MAD2L1BP: variants seen among roughly 807,000 people sequenced by gnomAD.
MAD2L1BP encodes MAD2L1-binding protein.
MAD2L1BP carries 22 observed loss-of-function variants against 28.4 expected under a neutral mutation model. That is an observed-to-expected ratio of 0.77 (90% confidence interval 0.55 to 1.10). The LOEUF is 1.10. Ranked by LOEUF, MAD2L1BP falls within the 50% of genes least tolerant of loss-of-function variation. The probability of loss-of-function intolerance (pLI) is 0.00; values close to 1 mark genes in which losing one functional copy is unlikely to be tolerated. For missense variants in MAD2L1BP, 325 were observed against 350.5 expected, an observed-to-expected ratio of 0.93 and a Z score of 0.58; for synonymous variants, 146 against 133.7, an observed-to-expected ratio of 1.09 and a Z score of -0.63.
At position 43,640,450 on chromosome 6, in the gene MAD2L1BP, G is replaced by A. The variant is rs547665702; in HGVS notation, c.742G>A (p.Gly248Ser). Residue 248 changes from glycine to serine, a missense_variant, in exon 3 of 3, where the codon GGC becomes AGC. Gly to Ser is a moderately conservative substitution (Grantham distance 56). Coordinates refer to ENST00000372171, the MANE Select transcript of MAD2L1BP (RefSeq NM_014628.3). The part of the protein sequence containing the change: ...GHKLTVTLSC[G>S]RPSIRTTAWE... ...TAAACTGACTGTGACCCTGTCATGT[G>A]GCAGACCTTCCATCCGAACCACGGC... 1 of 1,613,724 alleles carries A rather than the reference G, an allele frequency of 6.2e-7. No homozygotes were observed. Among genetic ancestry groups the A allele is most frequent in the Non-Finnish European group, 8.5e-7 (1 of 1,179,968 alleles).
rs1233013369 is a variant in MAD2L1BP, at chr6:43,636,601, G to C, written c.267G>C (p.Leu89=). 1 of 1,614,156 alleles carries C rather than the reference G, an allele frequency of 6.2e-7. No individual in the cohort carries two copies. The highest frequency in any genetic ancestry group is 1.3e-5 in the African/African-American group (1 of 75,038). The change falls in exon 2 of 3, where the codon CTG becomes CTC. Residue 89 remains leucine (L), a synonymous_variant. Transcript: ENST00000372171. ...TGTATCAACGCCAGCAGCTCCCTCT[G>C]CCCTATGAACAGCTTAAGCACTTTT... ...HIMYQRQQLP[L]PYEQLKHFYR...
chr6:43,635,603 T>G (rs1436833592), upstream of MAD2L1BP, among the ~76,000 whole-genome samples: 1 of 152,324 alleles, frequency 6.6e-6, no homozygotes, highest in East Asian at 1.9e-4. Context: ...CTGGAGTGAA[T>G]AGATGCAAGA....
rs368653334 is a variant in MAD2L1BP, at chr6:43,635,872, C to G, written c.-4C>G. 2.0e-6 allele frequency: 3 copies of G among 1,479,366 alleles called. No homozygotes were observed. The highest frequency in any genetic ancestry group is 8.9e-7 in the Non-Finnish European group (1 of 1,121,758). 91.6% of individuals were successfully genotyped at this position (1,479,366 alleles called of 1,614,324 possible). On this transcript the variant is annotated 5_prime_UTR_variant, in exon 1 of 3. Transcript: ENST00000372171. ...CCGCAAGGAGTAGCGGAGGGGAGGT[C>G]GTGATGGCGGCGCCGGAGGCGGAGG... is the stretch of plus-strand genomic sequence containing the variant.
At chr6:43,639,380 C>T (rs1169553884) in intron 2 of MAD2L1BP, among the ~76,000 whole-genome samples, 1 of 152,134 alleles carries the variant, frequency 6.6e-6, no homozygotes, top group East Asian at 1.9e-4. Flanking sequence ...ACCTTGTGAT[C>T]CGCCCGCCTC....
chr6:43,639,930 G>A (rs1312933398), intron 2 of MAD2L1BP, 91 bp from the exon 3 acceptor site: 1 of 1,183,442 alleles, frequency 8.4e-7, no homozygotes, highest in Non-Finnish European at 1.2e-6. Context: ...AGTCCTGTAA[G>A]TCTATGTACA....
chr6:43,636,742 G>A (rs1770246834), intron 2 of MAD2L1BP, 96 bp downstream of exon 2: 1 of 1,421,128 alleles, frequency 7.0e-7, no homozygotes, highest in Non-Finnish European at 9.6e-7. Context: ...TTCAAAGCCT[G>A]AGAGAATAAG....
At position 43,635,872 on chromosome 6, in the gene MAD2L1BP, C is replaced by T. The variant is rs368653334; in HGVS notation, c.-4C>T. ...CCGCAAGGAGTAGCGGAGGGGAGGT[C>T]GTGATGGCGGCGCCGGAGGCGGAGG... On this transcript the variant is annotated 5_prime_UTR_variant, in exon 1 of 3. Coordinates refer to ENST00000372171, the MANE Select transcript of MAD2L1BP (RefSeq NM_014628.3). 2.7e-6 allele frequency: 4 copies of T among 1,479,366 alleles called. No homozygotes were observed. Among genetic ancestry groups the T allele is most frequent in the South Asian group, 1.3e-5 (1 of 74,372 alleles). 91.6% of individuals were successfully genotyped at this position (1,479,366 alleles called of 1,614,324 possible). A position where few individuals can be genotyped will look rare whatever the true frequency, so the allele number is the denominator to read the frequency against.
chr6:43,635,464 A>G (rs1213457383), upstream of MAD2L1BP, among the ~76,000 whole-genome samples: 1 of 152,146 alleles, frequency 6.6e-6, no homozygotes, highest in South Asian at 2.1e-4. Flanking sequence ...TGTATAATTC[A>G]TCACATTGTA....
At chr6:43,636,814 G>A (rs1770252678) in intron 2 of MAD2L1BP, 168 bp downstream of exon 2, 1 of 744,866 alleles carries the variant, frequency 1.3e-6, no homozygotes, top group Non-Finnish European at 2.2e-6. Context: ...AACCCTTCTG[G>A]CTTTTTCAAC....
At chr6:43,634,218 T>TC, upstream of MAD2L1BP, among the ~76,000 whole-genome samples, 1 of 140,644 alleles carries the variant, frequency 7.1e-6, no homozygotes, top group Non-Finnish European at 1.5e-5. Context: ...TTTTCTTTTT[T>TC]TCTTTTTTTT....
chr6:43,633,022 A>G (rs2127856782), upstream of MAD2L1BP, among the ~76,000 whole-genome samples: 1 of 151,856 alleles, frequency 6.6e-6, no homozygotes, highest in African/African-American at 2.4e-5. Context: ...AACTCCATCT[A>G]AAAACAAACA....
intron 2 of MAD2L1BP, 42 bp downstream of exon 2, chr6:43,636,688 T>A (rs1770243144): frequency 1.9e-6 from 3 of 1,596,724 alleles, no homozygotes; most frequent in Non-Finnish European, 8.6e-7. Flanking sequence ...GAAGACTTTG[T>A]GGCTCTTAGA....
Position 43,640,537 on chromosome 6 carries a change from A to T in MAD2L1BP, c.*4A>T. The T allele has an allele frequency of 1.3e-6, 2 of 1,563,094 alleles. No individual in the cohort carries two copies. Among genetic ancestry groups the T allele is most frequent in the Non-Finnish European group, 8.7e-7 (1 of 1,154,674 alleles). Reference sequence around the variant, plus strand: ...ATTTAAAGGCTTCCGCGAGTGAATGAGTGCTTCTTAATCCTAAAAACACAA... The same window carrying T: ...ATTTAAAGGCTTCCGCGAGTGAATGTGTGCTTCTTAATCCTAAAAACACAA... On this transcript the variant is annotated 3_prime_UTR_variant, in exon 3 of 3. Transcript: ENST00000372171.
chr6:43,636,877 CTT>C (rs912505735), intron 2 of MAD2L1BP: 2 of 555,960 alleles, frequency 3.6e-6, no homozygotes, highest in African/African-American at 1.9e-5. Flanking sequence ...TGAACTGGCT[CTT>C]TGCATTTTTT....
upstream of MAD2L1BP, among the ~76,000 whole-genome samples, chr6:43,634,915 T>C (rs1340345848): frequency 6.6e-6 from 1 of 152,122 alleles, no homozygotes; most frequent in African/African-American, 2.4e-5. Context: ...CCAAGTTATG[T>C]TCACTGGACC....
At chr6:43,636,048 A>C in intron 1 of MAD2L1BP, 127 bp downstream of exon 1, 1 of 997,514 alleles carries the variant, frequency 1.0e-6, no homozygotes. Context: ...GGTGTCCTAC[A>C]CGGCTCTGGC....
chr6:43,638,650 G>A (rs1348792868), intron 2 of MAD2L1BP, among the ~76,000 whole-genome samples: 2 of 151,876 alleles, frequency 1.3e-5, no homozygotes, highest in African/African-American at 4.8e-5. Context: ...CAAAAAATTA[G>A]CCGGGCGTGG....
chr6:43,635,558 C>G (rs907591883), upstream of MAD2L1BP, among the ~76,000 whole-genome samples: 1 of 152,258 alleles, frequency 6.6e-6, no homozygotes, highest in East Asian at 1.9e-4. Flanking sequence ...AGGACAGGGC[C>G]TGGCACGAAG....
At chr6:43,633,132 G>A (rs1458754741), upstream of MAD2L1BP, 1 of 410,030 alleles carries the variant, frequency 2.4e-6, no homozygotes, top group East Asian at 7.8e-5. Context: ...ATAGGCTGGA[G>A]CTGCCATGCC....
Sources: allele counts gnomAD v4.1 joint callset (sites outside exome capture counted in the v4.1 genomes callset), GRCh38; gene constraint gnomAD v4.1.1; transcripts MANE v1.5; gene names NCBI Gene and HGNC (gene_info 2026-07-23, HGNC 2026-07-21).